The following KCNB2 variants were observed in gnomAD, a reference collection of about 807,000 sequenced individuals.
KCNB2 encodes the protein delayed rectifier potassium channel protein.
KCNB2 carries 15 observed loss-of-function variants against 61.5 expected under a neutral mutation model. The observed-to-expected ratio is 0.24, with a 90% confidence interval of 0.16 to 0.38. The LOEUF is 0.38. Ranked by LOEUF, KCNB2 falls within the 10% of genes least tolerant of loss-of-function variation. The pLI is 1.00. For missense variants in KCNB2, 828 were observed against 1,125.2 expected, an observed-to-expected ratio of 0.74 and a Z score of 3.78; for synonymous variants, 457 against 446.0, an observed-to-expected ratio of 1.02 and a Z score of -0.31.
At chr8:72,572,973 T>A (rs1806737749) in intron 2 of KCNB2, among the ~76,000 whole-genome samples, 1 of 152,096 alleles carries the variant, frequency 6.6e-6, no homozygotes, top group South Asian at 2.1e-4. Context: ...CATCCTTGGA[T>A]CAAGTCGGGA....
In KCNB2 at chr8:72,564,041, C is replaced by T. The variant is rs976373619; in HGVS notation, c.-93-3601C>T. On this transcript the variant is annotated intron_variant, in intron 1 of 2. Transcript: ENST00000523207. ...GTGAATTTCAGTTTGTCTTTTATTG[C>T]GGGACTTGTAATCAACACTGGATCT... 5.3e-5 allele frequency among the ~76,000 whole-genome samples: 8 copies of T among 152,090 alleles called. No homozygotes were observed. In the South Asian group the frequency reaches 8.3e-4, roughly 16 times the overall value.
At chr8:72,715,416 G>A (rs866935845) in intron 2 of KCNB2, among the ~76,000 whole-genome samples, 10 of 152,100 alleles carry the variant, frequency 6.6e-5, no homozygotes, top group African/African-American at 2.4e-4. Flanking sequence ...TGGAAGTAAA[G>A]CACTCCTCAG....
chr8:72,904,720 A>T (rs1018207368), intron 2 of KCNB2, among the ~76,000 whole-genome samples: 12 of 151,942 alleles, frequency 7.9e-5, no homozygotes, highest in African/African-American at 2.7e-4. Flanking sequence ...TTATTTTTTT[A>T]AATGTTTCTT....
At chr8:72,817,049 C>T (rs758412137) in intron 2 of KCNB2, among the ~76,000 whole-genome samples, 4 of 151,940 alleles carry the variant, frequency 2.6e-5, no homozygotes, top group Non-Finnish European at 5.9e-5. Context: ...TTTTGTACAC[C>T]CTGATGTGTT....
At chr8:72,725,215 C>T (rs1807612536) in intron 2 of KCNB2, among the ~76,000 whole-genome samples, 1 of 151,768 alleles carries the variant, frequency 6.6e-6, no homozygotes, top group Non-Finnish European at 1.5e-5. Flanking sequence ...TTGATTGTAC[C>T]TCAAACAGGG....
intron 2 of KCNB2, among the ~76,000 whole-genome samples, chr8:72,930,309 A>G (rs901826833): frequency 4.6e-5 from 7 of 151,974 alleles, no homozygotes; most frequent in African/African-American, 1.2e-4. Context: ...CTTTGGGTAT[A>G]TACCCAGTAA....
intron 2 of KCNB2, among the ~76,000 whole-genome samples, chr8:72,602,600 G>A (rs1435749351): frequency 1.3e-5 from 2 of 152,038 alleles, no homozygotes; most frequent in African/African-American, 4.8e-5. Flanking sequence ...GACTGTTGCC[G>A]AAGCCAAAAT....
intron 2 of KCNB2, among the ~76,000 whole-genome samples, chr8:72,755,779 G>C (rs1414968406): frequency 1.3e-5 from 2 of 152,188 alleles, no homozygotes; most frequent in Non-Finnish European, 2.9e-5. Flanking sequence ...GCTTTCTTAA[G>C]CCAAGAGAAA....
intron 2 of KCNB2, among the ~76,000 whole-genome samples, chr8:72,817,743 T>C (rs1809425067): frequency 1.3e-5 from 2 of 152,258 alleles, no homozygotes; most frequent in South Asian, 4.1e-4. Context: ...TTGTTAGCAA[T>C]TTTTAGGGGA....
At chr8:72,854,832 A>C (rs543299809) in intron 2 of KCNB2, among the ~76,000 whole-genome samples, 1 of 152,178 alleles carries the variant, frequency 6.6e-6, no homozygotes, top group Non-Finnish European at 1.5e-5. Context: ...GTTACAGGTC[A>C]GGTTAGAAGG....
intron 2 of KCNB2, among the ~76,000 whole-genome samples, chr8:72,579,531 C>G (rs931847281): frequency 3.3e-5 from 5 of 152,180 alleles, no homozygotes; most frequent in Admixed American, 3.3e-4. Flanking sequence ...CTTTTCCTCT[C>G]CCTTTGAGAG....
At chr8:72,924,710 GCC>G (rs902139448) in intron 2 of KCNB2, among the ~76,000 whole-genome samples, 5 of 152,120 alleles carry the variant, frequency 3.3e-5, no homozygotes, top group Non-Finnish European at 5.9e-5. Context: ...AAGTGCTTGG[GCC>G]CATTCAAATT....
intron 1 of KCNB2, among the ~76,000 whole-genome samples, chr8:72,546,713 C>T (rs1354276213): frequency 1.3e-5 from 2 of 152,138 alleles, no homozygotes; most frequent in Admixed American, 6.5e-5. Context: ...CTCACTGCAG[C>T]CTTGAACTCC....
intron 1 of KCNB2, among the ~76,000 whole-genome samples, chr8:72,560,651 C>G (rs1002418102): frequency 6.6e-6 from 1 of 152,144 alleles, no homozygotes; most frequent in East Asian, 1.9e-4. Flanking sequence ...AATAGAAAAC[C>G]CACTAGCTGA....
At chr8:72,549,918 T>A (rs2128977213) in intron 1 of KCNB2, among the ~76,000 whole-genome samples, 1 of 152,350 alleles carries the variant, frequency 6.6e-6, no homozygotes, top group East Asian at 1.9e-4. Flanking sequence ...AAATGTTAGA[T>A]GTCACTGCTC....
intron 2 of KCNB2, among the ~76,000 whole-genome samples, chr8:72,803,245 T>A (rs568269003): frequency 1.3e-5 from 2 of 152,292 alleles, no homozygotes; most frequent in South Asian, 4.2e-4. Flanking sequence ...GCCAGCCAAC[T>A]CCCTGTCCTC....
Position 72,608,229 on chromosome 8 carries a change from T to C in KCNB2, c.579+39916T>C, listed in dbSNP as rs186164164. Among the ~76,000 whole-genome samples the C allele has an allele frequency of 5.5e-3, 831 of 151,584 alleles. 7 individuals are homozygous for C. The highest frequency in any genetic ancestry group is 0.019 in the African/African-American group (776 of 41,272). On this transcript the variant is annotated intron_variant, in intron 2 of 2. Coordinates refer to ENST00000523207, the MANE Select transcript of KCNB2 (RefSeq NM_004770.3). ...CTGTGGCAGATATGGCAGATGGGGGTGGGCATTCCTGGTGGAAGTGGACTG... is the reference window on the plus strand; with the variant it reads ...CTGTGGCAGATATGGCAGATGGGGGCGGGCATTCCTGGTGGAAGTGGACTG...
At chr8:72,628,175 A>G (rs1053371171) in intron 2 of KCNB2, among the ~76,000 whole-genome samples, 1 of 152,094 alleles carries the variant, frequency 6.6e-6, no homozygotes, top group Non-Finnish European at 1.5e-5. Context: ...GCTGCTCTCA[A>G]ACTCCTGGCC....
chr8:72,829,360 C>G (rs558021640), intron 2 of KCNB2, among the ~76,000 whole-genome samples: 1 of 152,286 alleles, frequency 6.6e-6, no homozygotes, highest in East Asian at 1.9e-4. Context: ...GGTAGATACA[C>G]TGGACCCAAT....
Sources: gnomAD v4.1 joint callset for allele counts (sites outside exome capture counted in the v4.1 genomes callset) on GRCh38, gnomAD v4.1.1 for gene constraint, MANE v1.5 for transcripts, NCBI Gene and HGNC (gene_info 2026-07-23, HGNC 2026-07-21) for gene names.